Variants in DGLUCY observed in about 807,000 individuals in gnomAD.
DGLUCY encodes the protein D-glutamate cyclase, also known as D-glutamate cyclase, mitochondrial.
Under a neutral mutation model 58.5 loss-of-function variants are expected in DGLUCY, and 58 were observed. That is an observed-to-expected ratio of 0.99 (90% CI 0.80 to 1.23). DGLUCY has a LOEUF of 1.23. DGLUCY is among the 50% of genes most tolerant of loss of function. The probability of loss-of-function intolerance (pLI) is 0.00; values close to 1 mark genes in which losing one functional copy is unlikely to be tolerated. For missense variants in DGLUCY, 779 were observed against 784.7 expected (o/e 0.99, Z 0.09); for synonymous variants, 325 against 314.1 (o/e 1.03, Z -0.37).
At chr14:91,108,487 T>TTGTGTGTGTGTGTGTGTGTG (rs34711327) in intron 1 of DGLUCY, among the ~76,000 whole-genome samples, 2 of 74,936 alleles carry the variant, frequency 2.7e-5, no homozygotes, top group African/African-American at 1.1e-4. Context: ...CTTGAAGAAT[T>TTGTGTGTGTGTGTGTGTGTG]TGTGTGTGTG....
intron 1 of DGLUCY, among the ~76,000 whole-genome samples, chr14:91,142,840 AAC>A (rs558892923): frequency 0.24 from 29,886 of 123,846 alleles, 3,608 homozygotes; most frequent in Non-Finnish European, 0.26. Context: ...ATCTCTACTA[AAC>A]ACACACACAC....
chr14:91,209,909 C>A (rs1190031078), intron 12 of DGLUCY, among the ~76,000 whole-genome samples: 1 of 152,136 alleles, frequency 6.6e-6, no homozygotes, highest in Non-Finnish European at 1.5e-5. Context: ...TAATTTCAGA[C>A]ATAGCAGACT....
At chr14:91,121,851 G>A (rs533075718) in intron 1 of DGLUCY, among the ~76,000 whole-genome samples, 24 of 152,166 alleles carry the variant, frequency 1.6e-4, no homozygotes, top group African/African-American at 4.8e-4. Context: ...TATAGCATGG[G>A]GAATTAGAAG....
rs1443410825 is a variant in DGLUCY at position 91,204,920 on chromosome 14, G to C, written c.1564+95G>C. On this transcript the variant is annotated intron_variant, in intron 12 of 13. Transcript: ENST00000256324. ...AGGCCAGAAGCTCTTCTTCTCTGCA[G>C]TCAGTCCATAGGGCACCAGGGCAGG... The C allele has an allele frequency of 3.9e-6, 6 of 1,553,688 alleles. No homozygotes were observed. The African/African-American group carries it at 8.1e-5, about 21-fold the overall frequency.
At chr14:91,195,886 G>A (rs1595891241) in intron 9 of DGLUCY, among the ~76,000 whole-genome samples, 1 of 152,088 alleles carries the variant, frequency 6.6e-6, no homozygotes, top group Middle Eastern at 3.4e-3. Context: ...TAGCCGGGAT[G>A]GTCTCAATCT....
intron 1 of DGLUCY, among the ~76,000 whole-genome samples, chr14:91,130,973 G>C (rs1455665365): frequency 2.0e-5 from 3 of 151,504 alleles, no homozygotes; most frequent in African/African-American, 7.3e-5. Context: ...TTTGTGACAG[G>C]GTCTCGCTTT....
chr14:91,139,411 G>A (rs979996620), intron 1 of DGLUCY, among the ~76,000 whole-genome samples: 1 of 152,184 alleles, frequency 6.6e-6, no homozygotes, highest in Non-Finnish European at 1.5e-5. Context: ...CAGACCGGGC[G>A]TGTTGGCTCA....
chr14:91,163,069 C>T (rs932365205), intron 3 of DGLUCY, among the ~76,000 whole-genome samples: 2 of 152,056 alleles, frequency 1.3e-5, no homozygotes. Context: ...ATCAGTCTGC[C>T]CAACATGGTG....
At chr14:91,105,038 G>A (rs1176302246), upstream of DGLUCY, among the ~76,000 whole-genome samples, 1 of 152,090 alleles carries the variant, frequency 6.6e-6, no homozygotes, top group Non-Finnish European at 1.5e-5. Context: ...TTACTGGCTG[G>A]GCATTGTAGC....
In DGLUCY at chr14:91,204,815, C is replaced by T. The variant is rs150793173; in HGVS notation, c.1554C>T (p.Ala518=). The T allele has an allele frequency of 3.6e-4, 573 of 1,613,916 alleles. No homozygotes were observed. Among genetic ancestry groups the T allele is most frequent in the Non-Finnish European group, 4.4e-4 (516 of 1,179,994 alleles). Residue 518 remains alanine (A), a synonymous_variant, in exon 12 of 14, where the codon GCC becomes GCT. Transcript: ENST00000256324. ...VIACDVEADF[A]VIAGVSNWGG... ...CCTGCGACGTGGAGGCTGACTTTGC[C>T]GTCATTGCTGGTGAGCACTCGGATG...
chr14:91,146,152 G>A (rs11623720), intron 1 of DGLUCY, among the ~76,000 whole-genome samples: 5,406 of 152,246 alleles, frequency 0.036, 138 homozygotes, highest in Middle Eastern at 0.068. Context: ...GAATTAAGGC[G>A]TGTACCACCA....
intron 9 of DGLUCY, among the ~76,000 whole-genome samples, chr14:91,191,425 C>T (rs750379796): frequency 1.3e-5 from 2 of 152,174 alleles, no homozygotes; most frequent in Non-Finnish European, 2.9e-5. Flanking sequence ...GAACGATACA[C>T]TTGAAAATGG....
chr14:91,189,523 T>C (rs951181627), intron 9 of DGLUCY, among the ~76,000 whole-genome samples: 1 of 151,620 alleles, frequency 6.6e-6, no homozygotes, highest in Non-Finnish European at 1.5e-5. Flanking sequence ...AGTAGTGGAG[T>C]ATGAAGTGGC....
chr14:91,215,760 C>T, intron 13 of DGLUCY: 4 of 1,423,044 alleles, frequency 2.8e-6, no homozygotes, highest in Admixed American at 2.7e-5. Flanking sequence ...CAGGCCTGAT[C>T]CAAGTGACCA....
chr14:91,081,452 G>T (rs1271674770), intron 1 of DGLUCY, among the ~76,000 whole-genome samples: 1 of 152,204 alleles, frequency 6.6e-6, no homozygotes, highest in East Asian at 1.9e-4. Context: ...TTTCCAAAGG[G>T]TGATATTTTA....
At chr14:91,062,555 AAAAATATATATATAT>A (rs1469371168) in intron 1 of DGLUCY, among the ~76,000 whole-genome samples, 2 of 29,766 alleles carry the variant, frequency 6.7e-5, no homozygotes, top group African/African-American at 3.0e-4. Context: ...CTAAAAAAAA[AAAAATATATATATAT>A]ATATATATAT....
At chr14:91,089,133 G>A (rs1364669754) in intron 1 of DGLUCY, among the ~76,000 whole-genome samples, 1 of 152,216 alleles carries the variant, frequency 6.6e-6, no homozygotes. Flanking sequence ...CTAGACAGCT[G>A]CAAGATTCTG....
intron 1 of DGLUCY, chr14:91,108,093 G>C (rs1357340920): frequency 6.5e-6 from 1 of 152,848 alleles, no homozygotes; most frequent in East Asian, 1.9e-4. Flanking sequence ...GTCTTCTGTG[G>C]GGTGCCGGGG....
At chr14:91,115,427 TC>T (rs1555392472) in intron 1 of DGLUCY, among the ~76,000 whole-genome samples, 1 of 152,024 alleles carries the variant, frequency 6.6e-6, no homozygotes, top group Non-Finnish European at 1.5e-5. Context: ...CACCTTTTTT[TC>T]CCCCCTTCAT....
Sources: gnomAD v4.1 joint callset for allele counts (sites outside exome capture counted in the v4.1 genomes callset) on GRCh38, gnomAD v4.1.1 for gene constraint, MANE v1.5 for transcripts, NCBI Gene and HGNC (gene_info 2026-07-23, HGNC 2026-07-21) for gene names.